Variants in CNTN1 observed in about 807,000 individuals in gnomAD.
CNTN1 encodes contactin 1.
CNTN1 carries 38 observed loss-of-function variants against 126.4 expected under a neutral mutation model. That is an observed-to-expected ratio of 0.30 (90% CI 0.23 to 0.39). The LOEUF (loss-of-function observed/expected upper bound fraction) is 0.39, where lower values mean the gene tolerates loss of function less well. CNTN1 is among the 10% of genes least tolerant of loss of function. CNTN1 has a pLI of 1.00. For synonymous variants in CNTN1, 413 were observed against 422.6 expected, an observed-to-expected ratio of 0.98 and a Z score of 0.28; for missense variants, 1,009 against 1,248.4, an observed-to-expected ratio of 0.81 and a Z score of 2.89.
intron 3 of CNTN1, among the ~76,000 whole-genome samples, chr12:40,917,935 C>A (rs73126511): frequency 2.6e-5 from 4 of 152,078 alleles, no homozygotes; most frequent in African/African-American, 9.7e-5. Context: ...TGAGTGCCAA[C>A]GCTAGTCACA....
intron 15 of CNTN1, among the ~76,000 whole-genome samples, chr12:40,980,340 C>T (rs757070118): frequency 4.0e-5 from 6 of 150,326 alleles, no homozygotes; most frequent in Non-Finnish European, 7.4e-5. Flanking sequence ...GCTACTTGGG[C>T]GGCTGAGCTG....
chr12:40,989,524 T>C (rs1449990770), intron 16 of CNTN1, among the ~76,000 whole-genome samples: 1 of 152,078 alleles, frequency 6.6e-6, no homozygotes, highest in Non-Finnish European at 1.5e-5. Context: ...TATTATGTGG[T>C]GGGGCAAGGT....
intron 1 of CNTN1, among the ~76,000 whole-genome samples, chr12:40,881,043 A>C (rs559537564): frequency 5.3e-5 from 8 of 151,978 alleles, no homozygotes; most frequent in African/African-American, 1.7e-4. Flanking sequence ...CCTCCTGTGA[A>C]TAGAAGAATT....
At chr12:40,798,983 C>A (rs1278924064) in intron 1 of CNTN1, among the ~76,000 whole-genome samples, 1 of 100,744 alleles carries the variant, frequency 9.9e-6, no homozygotes, top group South Asian at 3.2e-4. Context: ...TATTTTTTAA[C>A]TTTATGTATA....
chr12:40,847,831 A>G (rs1383527818), intron 1 of CNTN1, among the ~76,000 whole-genome samples: 1 of 152,194 alleles, frequency 6.6e-6, no homozygotes, highest in Non-Finnish European at 1.5e-5. Flanking sequence ...TTCATGCAAA[A>G]CAGTTTTTCC....
In CNTN1 at chr12:40,836,237, AATC is replaced by A. The variant is rs540012790; in HGVS notation, c.-76-72117_-76-72115del. ...GTATATATTGTATATATGAATACAT[AATC>A]ATATATGTATATATTATAATACATA... On this transcript the variant is annotated intron_variant, in intron 1 of 23. Transcript: ENST00000551295. 2.4e-3 allele frequency among the ~76,000 whole-genome samples: 350 copies of A among 148,232 alleles called. 3 individuals carry two copies. The highest frequency in any genetic ancestry group is 8.3e-3 in the African/African-American group (338 of 40,828).
chr12:40,700,812 G>A (rs575122593), intron 1 of CNTN1, among the ~76,000 whole-genome samples: 31 of 151,662 alleles, frequency 2.0e-4, no homozygotes, highest in Middle Eastern at 3.4e-3. Flanking sequence ...CTCTATAATT[G>A]CACCTCAATT....
At chr12:40,815,692 T>C (rs113851474) in intron 1 of CNTN1, among the ~76,000 whole-genome samples, 3,454 of 152,226 alleles carry the variant, frequency 0.023, 128 homozygotes, top group African/African-American at 0.077. Context: ...CTATGTTGAA[T>C]AGGAATGGTG....
chr12:40,844,530 C>T (rs1184762026), intron 1 of CNTN1, among the ~76,000 whole-genome samples: 1 of 151,916 alleles, frequency 6.6e-6, no homozygotes, highest in Non-Finnish European at 1.5e-5. Flanking sequence ...ATGCTTCTTG[C>T]AGTAGTGAAA....
chr12:40,924,521 A>G (rs1288813132), intron 5 of CNTN1, 36 bp from the exon 6 acceptor site: 2 of 1,074,158 alleles, frequency 1.9e-6, no homozygotes, highest in East Asian at 2.4e-5. Context: ...TATTGACCAG[A>G]GAGTGAATGT....
At chr12:40,705,091 T>C (rs750689273) in intron 1 of CNTN1, among the ~76,000 whole-genome samples, 10 of 152,192 alleles carry the variant, frequency 6.6e-5, no homozygotes, top group Non-Finnish European at 5.9e-5. Context: ...ACTTTCTGTC[T>C]CTTTTTAGTG....
At position 40,692,480 on chromosome 12, in the gene CNTN1, CGAG is replaced by C. The variant is rs1248586889; in HGVS notation, c.-184_-182del. 2.0e-5 allele frequency: 3 copies of C among 152,470 alleles called. No individual in the cohort carries two copies. Among genetic ancestry groups the C allele is most frequent in the Non-Finnish European group, 4.4e-5 (3 of 68,334 alleles). 9.4% of individuals were successfully genotyped at this position (152,470 alleles called of 1,614,324 possible). A position where few individuals can be genotyped will look rare whatever the true frequency, so the allele number is the denominator to read the frequency against. On this transcript the variant is annotated 5_prime_UTR_variant, in exon 1 of 24. Coordinates refer to ENST00000551295, the MANE Select transcript of CNTN1 (RefSeq NM_001843.4). The stretch of plus-strand genomic sequence containing the variant: ...GTAGCCAGGGTGGGCTCCGCCGAGG[CGAG>C]GAGGGGCGCCGGTGGGGAGATGCGC...
intron 23 of CNTN1, among the ~76,000 whole-genome samples, chr12:41,062,065 C>G (rs777690677): frequency 2.2e-4 from 33 of 152,162 alleles, no homozygotes; most frequent in Non-Finnish European, 4.0e-4. Flanking sequence ...AAAAATTCTG[C>G]TGAACCTCAA....
At chr12:40,784,220 C>A (rs189134510) in intron 1 of CNTN1, among the ~76,000 whole-genome samples, 13 of 152,038 alleles carry the variant, frequency 8.6e-5, no homozygotes, top group Non-Finnish European at 1.2e-4. Context: ...CTTCATATGG[C>A]GCTATCAATA....
chr12:40,984,574 C>T (rs1326125590), intron 16 of CNTN1, among the ~76,000 whole-genome samples: 1 of 152,164 alleles, frequency 6.6e-6, no homozygotes, highest in Admixed American at 6.5e-5. Flanking sequence ...AGCAAGAACT[C>T]ACTCATTATT....
intron 1 of CNTN1, among the ~76,000 whole-genome samples, chr12:40,766,096 G>A (rs771248757): frequency 2.0e-5 from 3 of 152,136 alleles, no homozygotes; most frequent in Non-Finnish European, 2.9e-5. Flanking sequence ...GGTGGCTCAC[G>A]CCTGTAGTCC....
chr12:41,040,542 A>G (rs1213395523), intron 23 of CNTN1, among the ~76,000 whole-genome samples: 2 of 152,106 alleles, frequency 1.3e-5, no homozygotes, highest in Non-Finnish European at 2.9e-5. Context: ...CTTCCTACCC[A>G]TGAGCATGGA....
intron 1 of CNTN1, among the ~76,000 whole-genome samples, chr12:40,708,079 C>T: frequency 6.6e-6 from 1 of 152,222 alleles, no homozygotes; most frequent in Middle Eastern, 3.4e-3. Flanking sequence ...ACATTTTCTT[C>T]CATTTGTTAA....
At chr12:40,769,391 A>G (rs1170795578) in intron 1 of CNTN1, among the ~76,000 whole-genome samples, 1 of 152,198 alleles carries the variant, frequency 6.6e-6, no homozygotes, top group Non-Finnish European at 1.5e-5. Flanking sequence ...AATTGTAATT[A>G]TTTTGGAAAC....
Sources: allele counts gnomAD v4.1 joint callset (sites outside exome capture counted in the v4.1 genomes callset), GRCh38; gene constraint gnomAD v4.1.1; transcripts MANE v1.5; gene names NCBI Gene and HGNC (gene_info 2026-07-23, HGNC 2026-07-21).